The following CTNNA3 variants were observed in gnomAD, a reference collection of about 807,000 sequenced individuals.
CTNNA3 encodes catenin alpha-3.
In CTNNA3, 76 loss-of-function variants were observed where a neutral mutation model predicts 95.7. The ratio of observed to expected loss-of-function variants is 0.79; its 90% CI spans 0.66 to 0.96. The LOEUF is 0.96. Among genes scored for constraint, CTNNA3 ranks in the 40% least tolerant of loss-of-function variants. CTNNA3 has a pLI of 0.00. For missense variants in CTNNA3, 1,191 were observed against 1,089.8 expected (o/e 1.09, Z -1.31); for synonymous variants, 431 against 374.4 (o/e 1.15, Z -1.74).
chr10:66,359,321 A>G (rs1337728985), intron 12 of CTNNA3, among the ~76,000 whole-genome samples: 1 of 152,120 alleles, frequency 6.6e-6, no homozygotes, highest in Non-Finnish European at 1.5e-5. Context: ...CTTTTTTATT[A>G]TAGAAGGAGA....
intron 1 of CTNNA3, among the ~76,000 whole-genome samples, chr10:67,729,344 T>C (rs1841262014): frequency 6.6e-6 from 1 of 152,136 alleles, no homozygotes. Flanking sequence ...TATAGATCTA[T>C]TAACTTATTT....
Position 66,978,544 on chromosome 10 carries a change from A to AT in CTNNA3, c.1047+201772_1047+201773insA, listed in dbSNP as rs1323272590. On this transcript the variant is annotated intron_variant, in intron 7 of 17. Coordinates refer to ENST00000433211, the MANE Select transcript of CTNNA3 (RefSeq NM_013266.4). ...TCCATCTCAAAAAAAAAAAAAAAAA[A>AT]AAAAAAAAATATATATATATATATA... 9.0e-3 allele frequency among the ~76,000 whole-genome samples: 677 copies of AT among 75,490 alleles called. 11 individuals carry two copies. Among genetic ancestry groups the AT allele is most frequent in the Non-Finnish European group, 0.016 (544 of 34,466 alleles). The allele number at this position is 75,490 out of a possible 152,430, so 49.5% of individuals were successfully genotyped here.
chr10:66,369,160 G>A (rs1244880987), intron 12 of CTNNA3, among the ~76,000 whole-genome samples: 1 of 152,122 alleles, frequency 6.6e-6, no homozygotes, highest in Non-Finnish European at 1.5e-5. Context: ...TTAGGCTGCT[G>A]TGTAGTATTA....
chr10:66,106,354 TG>T (rs2081911389), intron 13 of CTNNA3, among the ~76,000 whole-genome samples: 1 of 150,942 alleles, frequency 6.6e-6, no homozygotes, highest in Non-Finnish European at 1.5e-5. Flanking sequence ...TGTGTGTGTG[TG>T]TGTGTGTGTG....
Position 67,362,078 on chromosome 10 carries a change from T to C in CTNNA3, c.580-142208A>G, listed in dbSNP as rs577205052. Among the ~76,000 whole-genome samples, 115 of 152,058 alleles carry C rather than the reference T, an allele frequency of 7.6e-4. 1 individual carries two copies. In the South Asian group the frequency reaches 0.023, roughly 30 times the overall value. ...TCCCAAGATTGAAACAGGAAGAAAT[T>C]AAAACTCTGACCTGATCAATAACAA... On this transcript the variant is annotated intron_variant, in intron 5 of 17. Coordinates refer to ENST00000433211, the MANE Select transcript of CTNNA3 (RefSeq NM_013266.4).
intron 13 of CTNNA3, among the ~76,000 whole-genome samples, chr10:66,225,053 C>T (rs1253370055): frequency 4.6e-5 from 7 of 151,926 alleles, no homozygotes; most frequent in African/African-American, 1.7e-4. Flanking sequence ...ATTTAAAATC[C>T]TTTCTTCTAG....
intron 1 of CTNNA3, among the ~76,000 whole-genome samples, chr10:67,713,912 C>T (rs1031935131): frequency 6.6e-6 from 1 of 151,764 alleles, no homozygotes; most frequent in Non-Finnish European, 1.5e-5. Flanking sequence ...TGTAACAAAC[C>T]CTCATGTTCT....
rs530234265 is a variant in CTNNA3, at chr10:67,025,606, C to A, written c.1047+154711G>T. Among the ~76,000 whole-genome samples, 4 of 152,034 alleles carry A rather than the reference C, an allele frequency of 2.6e-5. No individual in the cohort carries two copies. In the South Asian group the frequency reaches 8.3e-4, roughly 32 times the overall value. On this transcript the variant is annotated intron_variant, in intron 7 of 17. Coordinates refer to ENST00000433211, the MANE Select transcript of CTNNA3 (RefSeq NM_013266.4). ...CGGTTTCTGACTTTTTTCTTTAACC[C>A]CTGGAGGAAGAATATTTTTAAAATC...
At chr10:67,553,168 C>T (rs953529123) in intron 3 of CTNNA3, among the ~76,000 whole-genome samples, 2 of 152,124 alleles carry the variant, frequency 1.3e-5, no homozygotes, top group African/African-American at 4.8e-5. Context: ...AAAGAACATG[C>T]TCTTCAATAA....
At chr10:66,230,069 C>T (rs752082215) in intron 13 of CTNNA3, among the ~76,000 whole-genome samples, 2 of 151,868 alleles carry the variant, frequency 1.3e-5, no homozygotes, top group Non-Finnish European at 2.9e-5. Flanking sequence ...TTCAAGATTT[C>T]AGGTTGGATC....
Position 66,494,443 on chromosome 10 carries a change from C to T in CTNNA3, c.1531+26174G>A, listed in dbSNP as rs557626769. ...GAAAACATAGTAAAATTTCCAATAT[C>T]ATAAATTTCCCTTGTAGAAGCTATG... On this transcript the variant is annotated intron_variant, in intron 11 of 17. Coordinates refer to ENST00000433211, the MANE Select transcript of CTNNA3 (RefSeq NM_013266.4). Among the ~76,000 whole-genome samples, 10 of 152,284 alleles carry T rather than the reference C, an allele frequency of 6.6e-5. No individual in the cohort carries two copies. The South Asian group carries it at 1.5e-3, about 22-fold the overall frequency.
chr10:67,472,064 T>C (rs1336336787), intron 5 of CTNNA3, among the ~76,000 whole-genome samples: 1 of 152,182 alleles, frequency 6.6e-6, no homozygotes, highest in Non-Finnish European at 1.5e-5. Flanking sequence ...CAAAACTTGA[T>C]TCAATGATTA....
intron 15 of CTNNA3, among the ~76,000 whole-genome samples, 164 bp downstream of exon 15, chr10:66,069,144 C>T (rs932045570): frequency 1.3e-5 from 2 of 152,066 alleles, no homozygotes; most frequent in African/African-American, 2.4e-5. Context: ...ATTTATCGAT[C>T]GAAACCTCTA....
intron 4 of CTNNA3, among the ~76,000 whole-genome samples, chr10:67,524,194 G>C (rs888672715): frequency 4.6e-5 from 7 of 152,126 alleles, no homozygotes; most frequent in Non-Finnish European, 8.8e-5. Context: ...ACGAGGTCAG[G>C]AGATCGAGAC....
chr10:66,143,925 G>A (rs10996931), intron 13 of CTNNA3, among the ~76,000 whole-genome samples: 23,036 of 152,208 alleles, frequency 0.15, 2,164 homozygotes, highest in Middle Eastern at 0.22. Flanking sequence ...TTAATTAAAA[G>A]GATGGCTGCT....
intron 14 of CTNNA3, among the ~76,000 whole-genome samples, chr10:66,080,563 CA>C (rs1378153538): frequency 6.6e-6 from 1 of 152,084 alleles, no homozygotes; most frequent in Non-Finnish European, 1.5e-5. Flanking sequence ...ACATTTACAT[CA>C]ACAACCAAAG....
At chr10:66,611,642 C>G (rs1455573138) in intron 10 of CTNNA3, among the ~76,000 whole-genome samples, 2 of 152,108 alleles carry the variant, frequency 1.3e-5, no homozygotes, top group Non-Finnish European at 2.9e-5. Flanking sequence ...GTTAAGATGA[C>G]TGCTCACTTC....
intron 7 of CTNNA3, among the ~76,000 whole-genome samples, chr10:66,820,642 TAAAAA>T (rs58323145): frequency 7.7e-6 from 1 of 129,506 alleles, no homozygotes; most frequent in African/African-American, 2.9e-5. Context: ...GAAGTGAAAG[TAAAAA>T]AAAAAAAAAA....
chr10:66,919,399 A>C (rs368192943), intron 7 of CTNNA3, among the ~76,000 whole-genome samples: 2 of 152,128 alleles, frequency 1.3e-5, no homozygotes, highest in African/African-American at 4.8e-5. Context: ...CTGCCACTGA[A>C]GTTTATAGTG....
Sources: allele counts gnomAD v4.1 joint callset (sites outside exome capture counted in the v4.1 genomes callset), GRCh38; gene constraint gnomAD v4.1.1; transcripts MANE v1.5; gene names NCBI Gene and HGNC (gene_info 2026-07-23, HGNC 2026-07-21).